RYR3: variants seen among roughly 807,000 people sequenced by gnomAD.
RYR3 encodes ryanodine receptor 3, also known as brain ryanodine receptor-calcium release channel.
Under a neutral mutation model 584.3 loss-of-function variants are expected in RYR3, and 207 were observed. The observed-to-expected ratio is 0.35, with a 90% confidence interval of 0.32 to 0.40. The LOEUF is 0.40. Ranked by LOEUF, RYR3 falls within the 10% of genes least tolerant of loss-of-function variation. The pLI is 1.00. For synonymous variants in RYR3, 2,416 were observed against 2,248.5 expected, an observed-to-expected ratio of 1.07 and a Z score of -2.11; for missense variants, 5,616 against 6,089.2, an observed-to-expected ratio of 0.92 and a Z score of 2.59.
rs928595343 is a variant in RYR3 at position 33,405,354 on chromosome 15, T to A, written c.52-68065T>A. 2.6e-5 allele frequency among the ~76,000 whole-genome samples: 4 copies of A among 152,182 alleles called. No individual in the cohort carries two copies. The East Asian group carries it at 7.7e-4, about 29-fold the overall frequency. On this transcript the variant is annotated intron_variant, in intron 1 of 103. Transcript: ENST00000634891. ...TGAGATGTGACCTTATAAACTGTCC[T>A]GTGTCCCCTCTCTAGGGATTTTCCC...
intron 16 of RYR3, among the ~76,000 whole-genome samples, chr15:33,588,077 C>T (rs1373444252): frequency 6.6e-6 from 1 of 152,226 alleles, no homozygotes; most frequent in Non-Finnish European, 1.5e-5. Flanking sequence ...AGAGCAACAA[C>T]AGTAATGATA....
intron 51 of RYR3, among the ~76,000 whole-genome samples, chr15:33,741,575 G>A (rs538234670): frequency 2.6e-5 from 4 of 152,116 alleles, no homozygotes; most frequent in South Asian, 2.1e-4. Context: ...AATAGCAGGT[G>A]TCTACTGTAC....
At chr15:33,312,946 C>T (rs1424194202) in intron 1 of RYR3, among the ~76,000 whole-genome samples, 1 of 152,158 alleles carries the variant, frequency 6.6e-6, no homozygotes, top group Non-Finnish European at 1.5e-5. Flanking sequence ...GGGCTTCCTG[C>T]CCTAGAGATC....
In RYR3 at chr15:33,518,227, C is replaced by T. The variant is rs529176719; in HGVS notation, c.280-12365C>T. 9.8e-5 allele frequency among the ~76,000 whole-genome samples: 15 copies of T among 152,316 alleles called. No individual in the cohort carries two copies. In the East Asian group the frequency reaches 2.9e-3, roughly 29 times the overall value. On this transcript the variant is annotated intron_variant, in intron 3 of 103. Coordinates refer to ENST00000634891, the MANE Select transcript of RYR3 (RefSeq NM_001036.6). ...GCTTCTGAAGATCATTCCCAGTCAG[C>T]AGTGGTCTGTCTCAGTGGAAAGAGC...
At chr15:33,580,272 G>A (rs2058523379) in intron 13 of RYR3, 128 bp downstream of exon 13, 2 of 783,960 alleles carry the variant, frequency 2.6e-6, no homozygotes, top group South Asian at 2.2e-5. Flanking sequence ...AGAGAGATTT[G>A]GAAGCTGGGA....
intron 40 of RYR3, among the ~76,000 whole-genome samples, chr15:33,698,432 AGCCAGGTTTCCTT>A (rs1358493428): frequency 6.6e-6 from 1 of 152,192 alleles, no homozygotes; most frequent in African/African-American, 2.4e-5. Flanking sequence ...CTCCTGAAGA[AGCCAGGTTTCCTT>A]GCCAGCTCCC....
intron 8 of RYR3, among the ~76,000 whole-genome samples, 167 bp downstream of exon 8, chr15:33,543,882 G>C (rs969242521): frequency 3.9e-5 from 6 of 152,196 alleles, no homozygotes; most frequent in Non-Finnish European, 8.8e-5. Flanking sequence ...TGGCAGTTCA[G>C]CTTGCTTACA....
Position 33,864,131 on chromosome 15 carries a change from G to T in RYR3, c.14466-7G>T, listed in dbSNP as rs180882042. On this transcript the variant is annotated splice_region_variant and splice_polypyrimidine_tract_variant and intron_variant, in intron 102 of 103. Transcript: ENST00000634891. ...GAGTATCTAATACTATCTTTTCCTC[G>T]TTCCAGGTTCTTTCTGATGTATTTG... The T allele has an allele frequency of 3.7e-6, 6 of 1,608,300 alleles. No homozygotes were observed. Among genetic ancestry groups the T allele is most frequent in the Non-Finnish European group, 5.1e-6 (6 of 1,176,074 alleles).
At position 33,659,771 on chromosome 15, in the gene RYR3, A is replaced by G. The variant is rs1314204185; in HGVS notation, c.4360A>G (p.Thr1454Ala). 2 of 1,613,132 alleles carry G rather than the reference A, an allele frequency of 1.2e-6. No homozygotes were observed. The highest frequency in any genetic ancestry group is 4.5e-5 in the East Asian group (2 of 44,854). The change falls in exon 33 of 104, where the codon ACT becomes GCT. Residue 1454 changes from threonine (T) to alanine (A), a missense_variant. Coordinates refer to ENST00000634891, the MANE Select transcript of RYR3 (RefSeq NM_001036.6). ...FPAVFLQPTS[T>A]SLFQFELGKL... is the part of the protein sequence containing the mutation. ...AGCAGTCTTCCTGCAGCCTACAAGTACTTCTTTGTTTCAGTTTGAACTTGG... is the reference window on the plus strand; with the variant it reads ...AGCAGTCTTCCTGCAGCCTACAAGTGCTTCTTTGTTTCAGTTTGAACTTGG...
At chr15:33,734,230 T>C (rs1567052426) in intron 48 of RYR3, among the ~76,000 whole-genome samples, 1 of 152,242 alleles carries the variant, frequency 6.6e-6, no homozygotes, top group Non-Finnish European at 1.5e-5. Flanking sequence ...ACAAGATTTT[T>C]ATGATAACTG....
intron 43 of RYR3, among the ~76,000 whole-genome samples, chr15:33,711,062 T>G (rs1187350870): frequency 6.6e-6 from 1 of 152,204 alleles, no homozygotes; most frequent in Admixed American, 6.5e-5. Flanking sequence ...TACATCCTAC[T>G]TGATTTCCTC....
chr15:33,634,441 T>C, intron 24 of RYR3, 145 bp from the exon 25 acceptor site: 1 of 664,292 alleles, frequency 1.5e-6, no homozygotes, highest in South Asian at 1.9e-5. Flanking sequence ...ATATGTACAT[T>C]GCTAAATGTG....
intron 18 of RYR3, among the ~76,000 whole-genome samples, chr15:33,609,527 G>A (rs545672003): frequency 2.3e-4 from 35 of 152,282 alleles, no homozygotes; most frequent in African/African-American, 5.5e-4. Flanking sequence ...AGTGGCGTGC[G>A]CCTGTAGTCC....
intron 1 of RYR3, among the ~76,000 whole-genome samples, chr15:33,327,360 C>T (rs928152602): frequency 1.3e-5 from 2 of 152,212 alleles, no homozygotes; most frequent in African/African-American, 4.8e-5. Context: ...ATCCATGGGA[C>T]ACAGGGGCTG....
chr15:33,652,704 G>A lies in RYR3; in HGVS notation c.4143-14G>A, dbSNP rs1217228103. The A allele has an allele frequency of 6.2e-7, 1 of 1,611,992 alleles. No homozygotes were observed. ...CAGTCCAGATTCTGTGCCTTTTCCT[G>A]TCTTGGCTCCTAGTGTGAAACGCAG... On this transcript the variant is annotated splice_polypyrimidine_tract_variant and intron_variant, in intron 31 of 103. Transcript: ENST00000634891.
rs557377918 is a variant in RYR3 at position 33,768,677 on chromosome 15, G to A, written c.8725G>A (p.Ala2909Thr). ...MVAGLFCKLA[A>T]LVRHRISLFG... is the part of the protein sequence containing the mutation. ...CTTCAGCCTGTTCTGCAAACTTGCC[G>A]CTCTCGTTAGACACAGAATTTCCCT... The change falls in exon 61 of 104, where the codon GCT becomes ACT. Residue 2909 changes from alanine to threonine, a missense_variant. Transcript: ENST00000634891. 2.8e-5 allele frequency: 45 copies of A among 1,613,898 alleles called. No individual in the cohort carries two copies. Among genetic ancestry groups the A allele is most frequent in the Admixed American group, 5.0e-5 (3 of 60,012 alleles).
intron 1 of RYR3, among the ~76,000 whole-genome samples, chr15:33,471,080 T>A (rs1044049900): frequency 5.3e-5 from 8 of 152,298 alleles, no homozygotes; most frequent in South Asian, 2.1e-4. Context: ...AGTGCAAAGA[T>A]TTCAGTGTCA....
At chr15:33,431,815 C>A (rs891408960) in intron 1 of RYR3, among the ~76,000 whole-genome samples, 11 of 151,926 alleles carry the variant, frequency 7.2e-5, no homozygotes, top group Non-Finnish European at 1.3e-4. Context: ...CTTTGAAATG[C>A]CAAAAAAGTA....
chr15:33,603,274 C>T lies in RYR3; in HGVS notation c.2074C>T (p.Pro692Ser), dbSNP rs768041967. The change falls in exon 18 of 104, where the codon CCA (proline) becomes TCA (serine). Residue 692 changes from proline to serine, a missense_variant. This residue lies in a region of RYR3 where 1,284 missense variants were observed against 1,344.6 expected (regional missense o/e 0.95). Transcript: ENST00000634891. ...CTGGGCCTCTTCTTCAGGCTATGCC[C>T]CATACCCAGGAGGTGGAGAAGGATG... is the stretch of plus-strand genomic sequence containing the variant. ...VGWASSSGYA[P>S]YPGGGEGWGG... 5 of 1,613,860 alleles carry T rather than the reference C, an allele frequency of 3.1e-6. No homozygotes were observed. The highest frequency in any genetic ancestry group is 4.2e-6 in the Non-Finnish European group (5 of 1,179,812).
Sources: allele counts gnomAD v4.1 joint callset (sites outside exome capture counted in the v4.1 genomes callset), GRCh38; gene constraint gnomAD v4.1.1; regional missense constraint gnomAD v4.1.1; transcripts MANE v1.5; gene names NCBI Gene and HGNC (gene_info 2026-07-23, HGNC 2026-07-21).